CACTIN: variants seen among roughly 807,000 people sequenced by gnomAD.
CACTIN encodes splicing factor Cactin.
In CACTIN, 20 loss-of-function variants were observed where a neutral mutation model predicts 84.9. The observed-to-expected ratio is 0.24, with a 90% CI of 0.17 to 0.34. The LOEUF (loss-of-function observed/expected upper bound fraction) is 0.34. Ranked by LOEUF, CACTIN falls within the 10% of genes least tolerant of loss-of-function variation. The pLI, the probability that CACTIN is intolerant of heterozygous loss-of-function variation, is 1.00. For synonymous variants in CACTIN, 549 were observed against 467.9 expected, an observed-to-expected ratio of 1.17 and a Z score of -2.24; for missense variants, 897 against 1,117.2, an observed-to-expected ratio of 0.80 and a Z score of 2.81.
Position 3,614,413 on chromosome 19 carries a change from G to C in CACTIN, c.1339C>G (p.His447Asp). 1 of 1,583,250 alleles carries C rather than the reference G, an allele frequency of 6.3e-7. No homozygotes were observed. ...WESLLQQLRA[H>D]MARARLRERH... ...AGTGCTCACCGGGCCCGTGCCATGT[G>C]GGCACGAAGCTGCTGCAGGAGGCTC... The change falls in exon 7 of 10, where the codon CAC becomes GAC. Residue 447 changes from histidine (H) to aspartate (D), a missense_variant. Around this residue, in one of 8 missense-constraint regions of CACTIN, gnomAD observed 304 missense variants for 444.3 expected, o/e 0.68. Transcript: ENST00000429344.
intron 1 of CACTIN, among the ~76,000 whole-genome samples, 170 bp downstream of exon 1, chr19:3,626,426 C>T (rs578075648): frequency 6.9e-4 from 105 of 152,382 alleles, no homozygotes; most frequent in Non-Finnish European, 1.3e-3. Context: ...CGCCTCTCGC[C>T]TTCCTTCCGC....
intron 6 of CACTIN, among the ~76,000 whole-genome samples, chr19:3,617,773 C>T (rs1046914414): frequency 1.3e-5 from 2 of 152,210 alleles, no homozygotes; most frequent in African/African-American, 4.8e-5. Context: ...CAGGAGCACA[C>T]CAAGACCCTT....
At chr19:3,623,082 A>T (rs114139747) in intron 2 of CACTIN, among the ~76,000 whole-genome samples, 13 of 152,136 alleles carry the variant, frequency 8.5e-5, no homozygotes, top group Non-Finnish European at 1.9e-4. Context: ...CAAAAAAATA[A>T]AAAATTAGCC....
chr19:3,623,752 C>T lies in CACTIN; in HGVS notation c.578G>A (p.Gly193Asp). The change falls in exon 2 of 10, where the codon GGC becomes GAC. Residue 193 changes from glycine (G) to aspartate (D), a missense_variant. By Grantham distance (94) the Gly-to-Asp change is moderately conservative. This residue lies in a region of CACTIN where 304 missense variants were observed against 444.3 expected (regional missense o/e 0.68). Coordinates refer to ENST00000429344, the MANE Select transcript of CACTIN (RefSeq NM_001080543.2). ...EKMGWGEEYM[G>D]YTNTDNPFGD... Reference sequence around the variant, plus strand: ...GAAGGGGTTGTCGGTGTTGGTGTAGCCCATGTACTCCTCACCCCAGCCCAT... The same window carrying T: ...GAAGGGGTTGTCGGTGTTGGTGTAGTCCATGTACTCCTCACCCCAGCCCAT... The T allele has an allele frequency of 1.2e-6, 2 of 1,613,884 alleles. No homozygotes were observed. Among genetic ancestry groups the T allele is most frequent in the South Asian group, 1.1e-5 (1 of 91,044 alleles).
chr19:3,612,511 C>G (rs1029317218), intron 9 of CACTIN, 98 bp from the exon 10 acceptor site: 1 of 1,447,102 alleles, frequency 6.9e-7, no homozygotes, highest in Non-Finnish European at 9.1e-7. Context: ...GTGCCTCCCG[C>G]AAAAGGAAAA....
chr19:3,625,073 T>G (rs1599897306), intron 1 of CACTIN, among the ~76,000 whole-genome samples: 1 of 152,174 alleles, frequency 6.6e-6, no homozygotes, highest in African/African-American at 2.4e-5. Flanking sequence ...TACATTTTTT[T>G]GTACAGAGGG....
intron 5 of CACTIN, 39 bp from the exon 6 acceptor site, chr19:3,619,028 T>TGGGGTG (rs895219721): frequency 1.3e-6 from 2 of 1,546,464 alleles, no homozygotes; most frequent in African/African-American, 2.7e-5. Context: ...CGGGTGTGGC[T>TGGGGTG]GGGGTGGGGG....
In CACTIN at chr19:3,610,786, T is replaced by C; in HGVS notation, c.*1137A>G. On this transcript the variant is annotated 3_prime_UTR_variant, in exon 10 of 10. Transcript: ENST00000429344. ...CTATTTCCAGATGAGGCGGGGTGTC[T>C]GGGAGGGGCTGTGGGTGGTCTGGGG... The C allele has an allele frequency of 2.2e-6, 1 of 456,908 alleles. No individual in the cohort carries two copies. The highest frequency in any genetic ancestry group is 4.4e-6 in the Non-Finnish European group (1 of 226,998). The allele number at this position is 456,908 out of a possible 1,614,324, so 28.3% of individuals were successfully genotyped here.
Position 3,611,806 on chromosome 19 carries a change from G to A in CACTIN, c.*117C>T. The A allele has an allele frequency of 7.8e-7, 1 of 1,276,660 alleles. No individual in the cohort carries two copies. Among genetic ancestry groups the A allele is most frequent in the Non-Finnish European group, 1.1e-6 (1 of 908,664 alleles). 79.1% of individuals were successfully genotyped at this position (1,276,660 alleles called of 1,614,324 possible). ...TGGCGAAAGAAAGATGCGGCCTGAGGTGGGACGTGAACCCGCGGCCCTGCA... is the reference window on the plus strand; with the variant it reads ...TGGCGAAAGAAAGATGCGGCCTGAGATGGGACGTGAACCCGCGGCCCTGCA... On this transcript the variant is annotated 3_prime_UTR_variant, in exon 10 of 10. Coordinates refer to ENST00000429344, the MANE Select transcript of CACTIN (RefSeq NM_001080543.2).
At chr19:3,622,286 C>A (rs2033239371) in intron 2 of CACTIN, among the ~76,000 whole-genome samples, 1 of 151,006 alleles carries the variant, frequency 6.6e-6, no homozygotes, top group Non-Finnish European at 1.5e-5. Context: ...ATCACTTGAA[C>A]CCAGGAAGCG....
In CACTIN at chr19:3,613,052, C is replaced by T; in HGVS notation, c.1786+6G>A. The T allele has an allele frequency of 4.6e-6, 7 of 1,531,960 alleles. No individual in the cohort carries two copies. Among genetic ancestry groups the T allele is most frequent in the Non-Finnish European group, 5.2e-6 (6 of 1,145,360 alleles). 94.9% of individuals were successfully genotyped at this position (1,531,960 alleles called of 1,614,324 possible). A position where few individuals can be genotyped will look rare whatever the true frequency, so the allele number is the denominator to read the frequency against. On this transcript the variant is annotated splice_donor_region_variant and intron_variant, in intron 9 of 9. Coordinates refer to ENST00000429344, the MANE Select transcript of CACTIN (RefSeq NM_001080543.2). ...CCCACCCCCTGGCCTCCAGCCCCGC[C>T]CTTACCCGTGACCTGGAGCTGCTGG... is the stretch of plus-strand genomic sequence containing the variant.
intron 2 of CACTIN, among the ~76,000 whole-genome samples, chr19:3,621,982 T>C (rs1348160331): frequency 6.6e-6 from 1 of 152,034 alleles, no homozygotes; most frequent in African/African-American, 2.4e-5. Context: ...CTCCACCCCC[T>C]CCACAAGTGG....
rs1000967918 is a variant in CACTIN at position 3,611,655 on chromosome 19, C to T, written c.*268G>A. ...GGCGGCTGCTGGCCACCCTCGTGCT[C>T]GAAAGATGCCCCTAGCGCCCCCTCC... On this transcript the variant is annotated 3_prime_UTR_variant, in exon 10 of 10. Transcript: ENST00000429344. 36 of 501,554 alleles carry T rather than the reference C, an allele frequency of 7.2e-5. No homozygotes were observed. The highest frequency in any genetic ancestry group is 1.1e-4 in the Non-Finnish European group (31 of 273,822). 31.1% of individuals were successfully genotyped at this position (501,554 alleles called of 1,614,324 possible).
intron 2 of CACTIN, chr19:3,621,030 G>A: frequency 1.6e-6 from 1 of 645,052 alleles, no homozygotes; most frequent in Non-Finnish European, 2.8e-6. Flanking sequence ...AGGGTAAGAA[G>A]GGGCTACCCC....
rs764166979 is a variant in CACTIN, at chr19:3,611,800, C to T, written c.*123G>A. The T allele has an allele frequency of 8.1e-7, 1 of 1,228,768 alleles. No individual in the cohort carries two copies. Among genetic ancestry groups the T allele is most frequent in the Non-Finnish European group, 1.2e-6 (1 of 865,712 alleles). The allele number at this position is 1,228,768 out of a possible 1,614,324, so 76.1% of individuals were successfully genotyped here. On this transcript the variant is annotated 3_prime_UTR_variant, in exon 10 of 10. Transcript: ENST00000429344. ...GAGGCCTGGCGAAAGAAAGATGCGG[C>T]CTGAGGTGGGACGTGAACCCGCGGC...
Position 3,612,667 on chromosome 19 carries a change from G to A in CACTIN, c.1787-254C>T, listed in dbSNP as rs1261547262. The stretch of plus-strand genomic sequence containing the variant: ...ACCAAGCGCAGCGCGCTTCCCCGCC[G>A]AGCGACAGGAGAACCTGGTGGTTAG... On this transcript the variant is annotated intron_variant, in intron 9 of 9. Transcript: ENST00000429344. 16 of 711,572 alleles carry A rather than the reference G, an allele frequency of 2.2e-5. No individual in the cohort carries two copies. The African/African-American group carries it at 2.3e-4, about 10-fold the overall frequency. The allele number at this position is 711,572 out of a possible 1,614,324, so 44.1% of individuals were successfully genotyped here. A position where few individuals can be genotyped will look rare whatever the true frequency, so the allele number is the denominator to read the frequency against.
rs200560369 is a variant in CACTIN at position 3,618,959 on chromosome 19, C to A, written c.1078G>T (p.Ala360Ser). Residue 360 changes from alanine to serine, a missense_variant, in exon 6 of 10, where the codon GCC (alanine) becomes TCC (serine). Physicochemically the swap from Ala to Ser is moderately conservative, Grantham distance 99. Coordinates refer to ENST00000429344, the MANE Select transcript of CACTIN (RefSeq NM_001080543.2). ...GTGGTCATGTCCCGCCAGAAGTCGG[C>A]GTTCTTGCCCTGCTCCAGCTCCATG... Reference protein sequence around the residue: ...VYMELEQGKNADFWRDMTTIT... With the variant: ...VYMELEQGKNSDFWRDMTTIT... The A allele has an allele frequency of 6.4e-7, 1 of 1,557,598 alleles. No homozygotes were observed. Among genetic ancestry groups the A allele is most frequent in the East Asian group, 2.4e-5 (1 of 41,428 alleles).
chr19:3,620,429 G>C, intron 3 of CACTIN, 157 bp from the exon 4 acceptor site: 1 of 887,294 alleles, frequency 1.1e-6, no homozygotes, highest in Non-Finnish European at 1.8e-6. Flanking sequence ...CTTGGGAAGG[G>C]AGAGGGCCCT....
chr19:3,619,433 G>A (rs765386023), intron 4 of CACTIN, among the ~76,000 whole-genome samples, 191 bp from the exon 5 acceptor site: 8 of 152,352 alleles, frequency 5.3e-5, no homozygotes, highest in South Asian at 2.1e-4. Context: ...GCCAAAGGGC[G>A]CAGGCCAGCA....
Sources: gnomAD v4.1 joint callset for allele counts (sites outside exome capture counted in the v4.1 genomes callset) on GRCh38, gnomAD v4.1.1 for gene constraint, gnomAD v4.1.1 regional missense constraint, MANE v1.5 for transcripts, NCBI Gene and HGNC (gene_info 2026-07-23, HGNC 2026-07-21) for gene names.